CCT5: variants seen among roughly 807,000 people sequenced by gnomAD.
CCT5 encodes T-complex protein 1 subunit epsilon.
Under a neutral mutation model 55.0 loss-of-function variants are expected in CCT5, and 6 were observed. The ratio of observed to expected loss-of-function variants is 0.11; its 90% confidence interval spans 0.06 to 0.22. CCT5 has a LOEUF of 0.22. Ranked by LOEUF, CCT5 falls within the 10% of genes least tolerant of loss-of-function variation. The probability of loss-of-function intolerance (pLI) is 1.00; values close to 1 mark genes in which losing one functional copy is unlikely to be tolerated. For missense variants in CCT5, 560 were observed against 694.6 expected (o/e 0.81, Z 2.18); for synonymous variants, 231 against 243.7 (o/e 0.95, Z 0.49).
chr5:10,254,079 A>G lies in CCT5; in HGVS notation c.106-66A>G, dbSNP rs935593997. 5 of 1,034,376 alleles carry G rather than the reference A, an allele frequency of 4.8e-6. No homozygotes were observed. The African/African-American group carries it at 6.3e-5, about 13-fold the overall frequency. 64.1% of individuals were successfully genotyped at this position (1,034,376 alleles called of 1,614,324 possible). A position where few individuals can be genotyped will look rare whatever the true frequency, so the allele number is the denominator to read the frequency against. On this transcript the variant is annotated intron_variant, in intron 1 of 10. Transcript: ENST00000280326. ...GTCATAAGTGATTTTTGTAGTCATC[A>G]GATGTGTGCTTTTAACCATTGAAAT...
Position 10,264,901 on chromosome 5 carries a change from A to C in CCT5, c.*118A>C. On this transcript the variant is annotated 3_prime_UTR_variant, in exon 11 of 11. Coordinates refer to ENST00000280326, the MANE Select transcript of CCT5 (RefSeq NM_012073.5). ...TTTTCCAGACACTGTAGATGCTATA[A>C]TAAAAATAGCTGTTTGGTAACCATA... 7.6e-7 allele frequency: 1 copy of C among 1,322,942 alleles called. No individual in the cohort carries two copies. The allele number at this position is 1,322,942 out of a possible 1,614,324, so 82.0% of individuals were successfully genotyped here. A position where few individuals can be genotyped will look rare whatever the true frequency, so the allele number is the denominator to read the frequency against.
At chr5:10,255,539 T>C (rs887750209) in intron 3 of CCT5, among the ~76,000 whole-genome samples, 2 of 151,562 alleles carry the variant, frequency 1.3e-5, no homozygotes, top group African/African-American at 4.9e-5. Context: ...TAAACAAAAT[T>C]CATCTTTGCG....
Position 10,254,193 on chromosome 5 carries a change from C to T in CCT5, c.154C>T (p.Leu52Phe). The T allele has an allele frequency of 6.2e-7, 1 of 1,602,162 alleles. No individual in the cohort carries two copies. Among genetic ancestry groups the T allele is most frequent in the Non-Finnish European group, 8.6e-7 (1 of 1,169,222 alleles). ...KAVANTMRTS[L>F]GPNGLDKMMV... ...TGTAGCAAATACAATGAGAACATCA[C>T]TTGGACCAAATGGTAAGAGTCCACC... Residue 52 changes from leucine (L) to phenylalanine (F), a missense_variant, in exon 2 of 11, where the codon CTT becomes TTT. Leu to Phe is a conservative substitution (Grantham distance 22, BLOSUM62 0). Coordinates refer to ENST00000280326, the MANE Select transcript of CCT5 (RefSeq NM_012073.5).
At chr5:10,260,503 G>C (rs543367218) in intron 6 of CCT5, among the ~76,000 whole-genome samples, 1 of 151,792 alleles carries the variant, frequency 6.6e-6, no homozygotes, top group Non-Finnish European at 1.5e-5. Flanking sequence ...CTTTGTTGAC[G>C]TTTCTGTGGG....
rs1745926733 is a variant in CCT5 at position 10,260,874 on chromosome 5, T to C, written c.956T>C (p.Leu319Ser). 1 of 1,614,090 alleles carries C rather than the reference T, an allele frequency of 6.2e-7. No homozygotes were observed. Among genetic ancestry groups the C allele is most frequent in the African/African-American group, 1.3e-5 (1 of 74,926 alleles). Residue 319 changes from leucine to serine, a missense_variant, in exon 7 of 11, where the codon TTG becomes TCG. Physicochemically the swap from Leu to Ser is moderately radical, Grantham distance 145. Transcript: ENST00000280326. ...AATCACTTACTTCTTCAGAACAACT[T>C]GCCTGCGGTTCGCTGGGTAGGAGGA... The part of the protein sequence containing the change: ...EANHLLLQNN[L>S]PAVRWVGGPE...
chr5:10,255,068 T>G, intron 3 of CCT5: 3 of 546,836 alleles, frequency 5.5e-6, no homozygotes, highest in Non-Finnish European at 6.6e-6. Flanking sequence ...AATGATTGAT[T>G]GGACACTGAT....
chr5:10,257,621 TG>T (rs1338977106), intron 4 of CCT5, among the ~76,000 whole-genome samples: 1 of 152,242 alleles, frequency 6.6e-6, no homozygotes, highest in African/African-American at 2.4e-5. Context: ...CTATAATGGA[TG>T]TTGTGGTGAA....
rs569462869 is a variant in CCT5 at position 10,260,966 on chromosome 5, G to C, written c.993+55G>C. 1.9e-6 allele frequency: 3 copies of C among 1,596,478 alleles called. No individual in the cohort carries two copies. In the East Asian group the frequency reaches 6.7e-5, roughly 36 times the overall value. On this transcript the variant is annotated intron_variant, in intron 7 of 10. Coordinates refer to ENST00000280326, the MANE Select transcript of CCT5 (RefSeq NM_012073.5). ...GAAGTAGGGGTTCATCTTATGTGTT[G>C]AGGGGTGTTTTGATAGCCCTGCCTT...
chr5:10,250,831 G>A (rs1228079167), intron 1 of CCT5: 2 of 1,088,200 alleles, frequency 1.8e-6, no homozygotes, highest in South Asian at 5.6e-5. Context: ...TTAAGGCGCT[G>A]CTGCTTAACC....
intron 6 of CCT5, 124 bp downstream of exon 6, chr5:10,258,659 G>A: frequency 1.2e-6 from 1 of 843,388 alleles, no homozygotes. Context: ...AAACCAAATT[G>A]CATAGAAAGG....
At position 10,255,939 on chromosome 5, in the gene CCT5, G is replaced by A. The variant is rs1309029441; in HGVS notation, c.332-16G>A. The A allele has an allele frequency of 1.9e-6, 3 of 1,612,682 alleles. No individual in the cohort carries two copies. Among genetic ancestry groups the A allele is most frequent in the Non-Finnish European group, 2.5e-6 (3 of 1,178,982 alleles). Reference sequence around the variant, plus strand: ...TGTTGTTTGCCTGAACTGATTGTCTGCTGGCTTATTTGCAGTCCTGGCTGG... The same window carrying A: ...TGTTGTTTGCCTGAACTGATTGTCTACTGGCTTATTTGCAGTCCTGGCTGG... On this transcript the variant is annotated splice_polypyrimidine_tract_variant and intron_variant, in intron 3 of 10. Coordinates refer to ENST00000280326, the MANE Select transcript of CCT5 (RefSeq NM_012073.5).
intron 10 of CCT5, among the ~76,000 whole-genome samples, chr5:10,264,397 G>A (rs560038841): frequency 6.6e-6 from 1 of 152,318 alleles, no homozygotes; most frequent in South Asian, 2.1e-4. Context: ...CCTGAAAAAT[G>A]TCACCCTGTA....
chr5:10,260,987 G>T (rs1745931705), intron 7 of CCT5, 76 bp downstream of exon 7: 1 of 1,467,370 alleles, frequency 6.8e-7, no homozygotes, highest in South Asian at 1.1e-5. Context: ...TGATAGCCCT[G>T]CCTTAAATAA....
chr5:10,262,176 C>T (rs1471694440), intron 8 of CCT5: 4 of 417,442 alleles, frequency 9.6e-6, no homozygotes, highest in African/African-American at 4.1e-5. Flanking sequence ...AAGTGAATAA[C>T]CATTGACGAT....
intron 6 of CCT5, among the ~76,000 whole-genome samples, chr5:10,258,754 C>A (rs529015595): frequency 6.6e-6 from 1 of 152,328 alleles, no homozygotes; most frequent in African/African-American, 2.4e-5. Flanking sequence ...AATCCCAGCA[C>A]TTTGGGAGGC....
chr5:10,261,530 T>C (rs754583997), intron 7 of CCT5, 30 bp from the exon 8 acceptor site: 24 of 1,611,100 alleles, frequency 1.5e-5, no homozygotes, highest in Middle Eastern at 1.6e-4. Flanking sequence ...CAGTACTGTC[T>C]TCATCCTTCT....
At chr5:10,260,969 G>A in intron 7 of CCT5, 58 bp downstream of exon 7, 1 of 1,588,918 alleles carries the variant, frequency 6.3e-7, no homozygotes, top group Non-Finnish European at 8.6e-7. Context: ...ATGTGTTGAG[G>A]GGTGTTTTGA....
In CCT5 at chr5:10,254,502, A is replaced by G. The variant is rs1358672466; in HGVS notation, c.167-172A>G. The G allele has an allele frequency of 4.0e-5, 27 of 670,972 alleles. No homozygotes were observed. In the East Asian group the frequency reaches 6.5e-4, roughly 16 times the overall value. 41.6% of individuals were successfully genotyped at this position (670,972 alleles called of 1,614,324 possible). A position where few individuals can be genotyped will look rare whatever the true frequency, so the allele number is the denominator to read the frequency against. On this transcript the variant is annotated intron_variant, in intron 2 of 10. Coordinates refer to ENST00000280326, the MANE Select transcript of CCT5 (RefSeq NM_012073.5). ...AATGATGCTCCATAATGTTTTGCCA[A>G]TTATGTTAGCCAATCTAAAAATGCC...
chr5:10,250,735 T>G, intron 1 of CCT5: 2 of 1,248,438 alleles, frequency 1.6e-6, no homozygotes. Context: ...CGGGACCGCC[T>G]CCCCGCCCGG....
Sources: gnomAD v4.1 joint callset for allele counts (sites outside exome capture counted in the v4.1 genomes callset) on GRCh38, gnomAD v4.1.1 for gene constraint, MANE v1.5 for transcripts, NCBI Gene and HGNC (gene_info 2026-07-23, HGNC 2026-07-21) for gene names.